AGMO: variants seen among roughly 807,000 people sequenced by gnomAD.
AGMO encodes the protein alkylglycerol monooxygenase.
AGMO carries 75 observed loss-of-function variants against 60.2 expected under a neutral mutation model. The observed-to-expected ratio is 1.25, with a 90% CI of 1.03 to 1.51. The LOEUF is 1.51. Ranked by LOEUF, AGMO falls within the 40% of genes most tolerant of loss-of-function variation. The probability of loss-of-function intolerance (pLI) is 0.00; values close to 1 mark genes in which losing one functional copy is unlikely to be tolerated. For synonymous variants in AGMO, 261 were observed against 177.1 expected, an observed-to-expected ratio of 1.47 and a Z score of -3.76; for missense variants, 763 against 525.5, an observed-to-expected ratio of 1.45 and a Z score of -4.42.
the AGMO span, among the ~76,000 whole-genome samples, chr7:15,133,946 C>T: frequency 1.3e-5 from 2 of 152,192 alleles, no homozygotes; most frequent in East Asian, 3.9e-4. Context: ...GACAATTGTT[C>T]CAGTTCTTAA....
intron 12 of AGMO, among the ~76,000 whole-genome samples, chr7:15,347,796 C>T (rs1040248861): frequency 6.6e-6 from 1 of 151,968 alleles, no homozygotes; most frequent in South Asian, 2.1e-4. Flanking sequence ...CTTATGACTC[C>T]TGAGAGTTTC....
chr7:15,400,275 C>T (rs992223129), intron 5 of AGMO, among the ~76,000 whole-genome samples: 4 of 151,030 alleles, frequency 2.6e-5, no homozygotes, highest in Non-Finnish European at 5.9e-5. Context: ...ATTATCACCA[C>T]CCCCCCAAGC....
chr7:15,534,000 T>C (rs557525989), intron 3 of AGMO, among the ~76,000 whole-genome samples: 28 of 152,188 alleles, frequency 1.8e-4, no homozygotes, highest in African/African-American at 6.3e-4. Context: ...TAAAACTATA[T>C]ACTATACATA....
intron 12 of AGMO, among the ~76,000 whole-genome samples, chr7:15,235,955 G>C (rs1394242712): frequency 2.0e-5 from 3 of 152,086 alleles, no homozygotes; most frequent in Non-Finnish European, 4.4e-5. Flanking sequence ...CTGCCCTTTG[G>C]TTTACTTTAC....
At chr7:15,181,789 G>A in the AGMO span, among the ~76,000 whole-genome samples, 1 of 152,132 alleles carries the variant, frequency 6.6e-6, no homozygotes, top group Non-Finnish European at 1.5e-5. Context: ...AAGCAAACAA[G>A]AAATACTTTT....
chr7:15,329,891 G>T (rs1781450025), intron 12 of AGMO, among the ~76,000 whole-genome samples: 2 of 152,054 alleles, frequency 1.3e-5, no homozygotes, highest in Admixed American at 1.3e-4. Flanking sequence ...TTGAGCTGCG[G>T]GTCTCTAAAG....
intron 3 of AGMO, among the ~76,000 whole-genome samples, chr7:15,497,437 T>C (rs1435650122): frequency 6.6e-6 from 1 of 152,118 alleles, no homozygotes; most frequent in African/African-American, 2.4e-5. Flanking sequence ...TGAGAAACTA[T>C]ATTTTAAATT....
At chr7:15,351,622 A>T in intron 12 of AGMO, among the ~76,000 whole-genome samples, 1 of 152,220 alleles carries the variant, frequency 6.6e-6, no homozygotes, top group East Asian at 1.9e-4. Context: ...GTGACAATCC[A>T]GATAGCTGAG....
intron 12 of AGMO, among the ~76,000 whole-genome samples, chr7:15,232,265 G>T (rs1040291288): frequency 6.6e-6 from 1 of 152,322 alleles, no homozygotes; most frequent in African/African-American, 2.4e-5. Flanking sequence ...CAAGACATGG[G>T]AAGTGGAGGT....
chr7:15,560,334 C>T, intron 1 of AGMO, 63 bp from the exon 2 acceptor site: 1 of 1,543,646 alleles, frequency 6.5e-7, no homozygotes, highest in Non-Finnish European at 8.8e-7. Flanking sequence ...TTTACATTTC[C>T]TGATTAGTCA....
At chr7:15,203,319 T>C (rs974107556) in intron 12 of AGMO, among the ~76,000 whole-genome samples, 1 of 152,116 alleles carries the variant, frequency 6.6e-6, no homozygotes, top group African/African-American at 2.4e-5. Context: ...TTGTTATTAA[T>C]CCACCACTTT....
intron 12 of AGMO, among the ~76,000 whole-genome samples, chr7:15,250,729 C>G (rs947669841): frequency 3.3e-5 from 5 of 152,114 alleles, no homozygotes; most frequent in African/African-American, 4.8e-5. Context: ...CACCTGAGGT[C>G]AGGAGTTCCA....
intron 4 of AGMO, among the ~76,000 whole-genome samples, chr7:15,421,023 G>A (rs1018267348): frequency 1.3e-5 from 2 of 152,174 alleles, no homozygotes; most frequent in African/African-American, 4.8e-5. Flanking sequence ...CAGATGAGTG[G>A]ATTTTATTCT....
chr7:15,469,410 C>T (rs913159062), intron 3 of AGMO, among the ~76,000 whole-genome samples: 7 of 151,966 alleles, frequency 4.6e-5, no homozygotes, highest in Admixed American at 1.3e-4. Flanking sequence ...ACAACTAAAC[C>T]GACTATAACA....
At chr7:15,345,983 A>C (rs1782018215) in intron 12 of AGMO, among the ~76,000 whole-genome samples, 1 of 152,164 alleles carries the variant, frequency 6.6e-6, no homozygotes, top group East Asian at 1.9e-4. Flanking sequence ...CTTATTAAAA[A>C]CGTTAGTACA....
intron 2 of AGMO, among the ~76,000 whole-genome samples, chr7:15,546,113 A>C (rs186839747): frequency 3.3e-4 from 50 of 152,166 alleles, no homozygotes; most frequent in African/African-American, 1.1e-3. Flanking sequence ...CTTTAATTTT[A>C]TTCTTGAATT....
chr7:15,401,065 T>C (rs964850838), intron 5 of AGMO, among the ~76,000 whole-genome samples: 2 of 152,120 alleles, frequency 1.3e-5, no homozygotes, highest in Admixed American at 6.5e-5. Flanking sequence ...GTACATGTGA[T>C]AAATTAATTA....
In AGMO at chr7:15,341,509, A is replaced by G. The variant is rs111720632; in HGVS notation, c.1263+24005T>C. Among the ~76,000 whole-genome samples, 609 of 152,264 alleles carry G rather than the reference A, an allele frequency of 4.0e-3. 1 individual carries two copies. The highest frequency in any genetic ancestry group is 6.1e-3 in the Non-Finnish European group (412 of 68,018). On this transcript the variant is annotated intron_variant, in intron 12 of 12. Transcript: ENST00000342526. Reference sequence around the variant, plus strand: ...TCAGCATTTTGGTCAAGGACATTCAACAAGTCTCTAGGAAGTTCCAAAGTT... The same window carrying G: ...TCAGCATTTTGGTCAAGGACATTCAGCAAGTCTCTAGGAAGTTCCAAAGTT...
intron 12 of AGMO, among the ~76,000 whole-genome samples, chr7:15,258,481 C>T (rs1403423507): frequency 1.3e-5 from 2 of 151,656 alleles, no homozygotes; most frequent in East Asian, 3.9e-4. Context: ...GGAGGCGGAG[C>T]TTGCAGTGAG....
Sources: gnomAD v4.1 joint callset for allele counts (sites outside exome capture counted in the v4.1 genomes callset) on GRCh38, gnomAD v4.1.1 for gene constraint, MANE v1.5 for transcripts, NCBI Gene and HGNC (gene_info 2026-07-23, HGNC 2026-07-21) for gene names.